Variants in CMTM4 observed in about 807,000 individuals in gnomAD.
CMTM4 encodes the protein CKLF-like MARVEL transmembrane domain-containing protein 4.
CMTM4 carries 8 observed loss-of-function variants against 19.0 expected under a neutral mutation model. The ratio of observed to expected loss-of-function variants is 0.42; its 90% CI spans 0.25 to 0.76. The LOEUF is 0.76. CMTM4 is among the 30% of genes least tolerant of loss of function. The probability of loss-of-function intolerance (pLI) is 0.27; values close to 1 mark genes in which losing one functional copy is unlikely to be tolerated. For synonymous variants in CMTM4, 106 were observed against 121.1 expected (o/e 0.88, Z 0.82); for missense variants, 228 against 290.2 (o/e 0.79, Z 1.56).
downstream of CMTM4, among the ~76,000 whole-genome samples, chr16:66,611,921 A>C (rs1340056720): frequency 6.6e-6 from 1 of 152,112 alleles, no homozygotes; most frequent in Admixed American, 6.5e-5. Flanking sequence ...GGGGGACAAG[A>C]AAATAGCTGT....
chr16:66,683,167 A>ATG (rs1567432156), intron 1 of CMTM4, among the ~76,000 whole-genome samples: 10 of 84,436 alleles, frequency 1.2e-4, no homozygotes, highest in African/African-American at 3.8e-4. Flanking sequence ...ATACGTATAT[A>ATG]TATATATACA....
intron 1 of CMTM4, among the ~76,000 whole-genome samples, chr16:66,651,065 A>G (rs909353049): frequency 1.3e-5 from 2 of 152,176 alleles, no homozygotes; most frequent in African/African-American, 4.8e-5. Flanking sequence ...CAGACGAAAA[A>G]GGCTAGTTGT....
At chr16:66,613,205 G>C (rs1450301022), downstream of CMTM4, 1 of 693,314 alleles carries the variant, frequency 1.4e-6, no homozygotes, top group African/African-American at 1.8e-5. Context: ...TTGCCTTGTC[G>C]CCCAGGAAGT....
chr16:66,608,444 G>A, the CMTM4 span: 1 of 1,614,058 alleles, frequency 6.2e-7, no homozygotes, highest in Non-Finnish European at 8.5e-7. This position sits in a 1 kb window ranked among gnomAD's most constrained non-coding sequence, Gnocchi z 5.1. Flanking sequence ...CAAGTGGCAG[G>A]GCTTGTGCTG....
chr16:66,629,811 C>T (rs1313913266), intron 2 of CMTM4, among the ~76,000 whole-genome samples: 1 of 152,124 alleles, frequency 6.6e-6, no homozygotes, highest in African/African-American at 2.4e-5. Context: ...AGTGAAATCT[C>T]CAGAAAAAAT....
At chr16:66,663,463 C>T (rs1027307270) in intron 1 of CMTM4, among the ~76,000 whole-genome samples, 1 of 151,150 alleles carries the variant, frequency 6.6e-6, no homozygotes, top group African/African-American at 2.4e-5. Context: ...TGATGAGCTA[C>T]CTTCTGCTAT....
At chr16:66,683,192 TAC>T (rs55834913) in intron 1 of CMTM4, among the ~76,000 whole-genome samples, 966 of 48,346 alleles carry the variant, frequency 0.02, 13 homozygotes, top group East Asian at 0.11. Flanking sequence ...TATATATATA[TAC>T]ATATATATAT....
intron 1 of CMTM4, among the ~76,000 whole-genome samples, chr16:66,675,726 C>T (rs1212565548): frequency 2.0e-5 from 3 of 152,102 alleles, no homozygotes; most frequent in Admixed American, 2.0e-4. Flanking sequence ...CAACACACCA[C>T]CAGCAACCAC....
chr16:66,660,645 T>G (rs2016484432), intron 1 of CMTM4, among the ~76,000 whole-genome samples: 1 of 152,226 alleles, frequency 6.6e-6, no homozygotes, highest in Non-Finnish European at 1.5e-5. Context: ...TTTTTTCTTT[T>G]AACTTAGAGG....
At chr16:66,614,305 G>T (rs2015485414), downstream of CMTM4, among the ~76,000 whole-genome samples, 1 of 152,198 alleles carries the variant, frequency 6.6e-6, no homozygotes, top group Admixed American at 6.5e-5. This position sits in a 1 kb window ranked among gnomAD's most constrained non-coding sequence, Gnocchi z 4.9. Flanking sequence ...TGAGACAGAG[G>T]TCGGGTAACT....
chr16:66,613,139 T>C (rs1356728876), downstream of CMTM4: 3 of 702,896 alleles, frequency 4.3e-6, no homozygotes, highest in African/African-American at 5.2e-5. Context: ...CCAAGAATCT[T>C]TGGTTCAAGG....
At chr16:66,689,902 G>A (rs2017105067) in intron 1 of CMTM4, among the ~76,000 whole-genome samples, 1 of 152,130 alleles carries the variant, frequency 6.6e-6, no homozygotes, top group South Asian at 2.1e-4. Context: ...TTGGTCTGTA[G>A]TATCATTTTC....
intron 1 of CMTM4, among the ~76,000 whole-genome samples, chr16:66,662,313 C>T (rs1345096231): frequency 6.6e-6 from 1 of 152,130 alleles, no homozygotes; most frequent in East Asian, 1.9e-4. Flanking sequence ...AACAGTCAGG[C>T]TCCTATTTTT....
intron 1 of CMTM4, among the ~76,000 whole-genome samples, chr16:66,689,008 C>T (rs749088965): frequency 6.6e-6 from 1 of 152,180 alleles, no homozygotes; most frequent in Non-Finnish European, 1.5e-5. Flanking sequence ...TGTAACCTTG[C>T]TAACTCACTT....
intron 2 of CMTM4, among the ~76,000 whole-genome samples, chr16:66,624,600 C>A (rs2015700099): frequency 6.6e-6 from 1 of 152,156 alleles, no homozygotes; most frequent in African/African-American, 2.4e-5. Flanking sequence ...AACCCCATCT[C>A]TACTAAAAAT....
chr16:66,628,001 G>C (rs377417440), intron 2 of CMTM4, among the ~76,000 whole-genome samples: 1 of 152,206 alleles, frequency 6.6e-6, no homozygotes, highest in South Asian at 2.1e-4. Context: ...GTGAGCAAAG[G>C]AATCTATGTC....
chr16:66,655,529 GTGTGTGTGTGTGTGTGTTTATTTA>G (rs1334449067), intron 1 of CMTM4, among the ~76,000 whole-genome samples: 2 of 151,668 alleles, frequency 1.3e-5, no homozygotes, highest in Admixed American at 6.6e-5. Flanking sequence ...GTGTGTGTGT[GTGTGTGTGTGTGTGTGTTTATTTA>G]TGTGTGTGTG....
intron 1 of CMTM4, among the ~76,000 whole-genome samples, chr16:66,673,515 CTAT>C (rs1329896194): frequency 6.6e-6 from 1 of 152,058 alleles, no homozygotes; most frequent in Non-Finnish European, 1.5e-5. Flanking sequence ...CCACGTTATA[CTAT>C]TATTTACAGA....
At chr16:66,663,685 G>A (rs966556555) in intron 1 of CMTM4, among the ~76,000 whole-genome samples, 4 of 151,516 alleles carry the variant, frequency 2.6e-5, no homozygotes, top group African/African-American at 9.7e-5. Context: ...TGGGATTACA[G>A]GCAAGCGCCG....
Sources: gnomAD v4.1 joint callset for allele counts (sites outside exome capture counted in the v4.1 genomes callset) on GRCh38, gnomAD v4.1.1 for gene constraint, Gnocchi (gnomAD v3.1) non-coding constraint, MANE v1.5 for transcripts, NCBI Gene and HGNC (gene_info 2026-07-23, HGNC 2026-07-21) for gene names.